Variants in SQLE observed in about 807,000 individuals in gnomAD.
SQLE encodes squalene monooxygenase.
A neutral mutation model predicts 60.7 loss-of-function variants in SQLE; 29 were observed. The ratio of observed to expected loss-of-function variants is 0.48; its 90% CI spans 0.36 to 0.65. SQLE has a LOEUF of 0.65. Ranked by LOEUF, SQLE falls within the 30% of genes least tolerant of loss-of-function variation. SQLE has a pLI of 0.00. For synonymous variants in SQLE, 237 were observed against 246.8 expected (o/e 0.96, Z 0.37); for missense variants, 605 against 684.1 (o/e 0.88, Z 1.29).
intron 1 of SQLE, among the ~76,000 whole-genome samples, chr8:125,000,614 A>ATT (rs925942692): frequency 6.9e-6 from 1 of 145,736 alleles, no homozygotes; most frequent in African/African-American, 2.5e-5. Context: ...CTCCTGGCTA[A>ATT]TTTTTTTTTT....
chr8:125,020,061 CTCT>C (rs888724700), intron 9 of SQLE, among the ~76,000 whole-genome samples: 6 of 152,146 alleles, frequency 3.9e-5, no homozygotes, highest in African/African-American at 1.2e-4. Flanking sequence ...TTTTTCTGAG[CTCT>C]TCTTTCTAAG....
intron 7 of SQLE, 128 bp downstream of exon 7, chr8:125,011,760 A>C: frequency 2.6e-6 from 2 of 755,660 alleles, no homozygotes; most frequent in Non-Finnish European, 4.3e-6. Context: ...TGCATTATTA[A>C]TACCAAAATT....
chr8:124,998,822 C>T lies in SQLE; in HGVS notation c.-582C>T. 2.0e-6 allele frequency: 1 copy of T among 492,178 alleles called. No homozygotes were observed. The highest frequency in any genetic ancestry group is 3.6e-6 in the Non-Finnish European group (1 of 276,474). 30.5% of individuals were successfully genotyped at this position (492,178 alleles called of 1,614,324 possible). On this transcript the variant is annotated 5_prime_UTR_variant, in exon 1 of 11. Transcript: ENST00000265896. Reference sequence around the variant, plus strand: ...GAAGGCGTCGGCGTTGGCGTTTTCCCGAGGTTGGGCTGTACAGTGTCTCCG... The same window carrying T: ...GAAGGCGTCGGCGTTGGCGTTTTCCTGAGGTTGGGCTGTACAGTGTCTCCG...
chr8:125,018,810 C>G, intron 9 of SQLE, 83 bp downstream of exon 9: 1 of 944,494 alleles, frequency 1.1e-6, no homozygotes, highest in Non-Finnish European at 1.6e-6. Context: ...AGTGATTTGT[C>G]CAGAAATAAA....
At chr8:125,002,803 G>A (rs1214879225) in intron 1 of SQLE, among the ~76,000 whole-genome samples, 1 of 152,182 alleles carries the variant, frequency 6.6e-6, no homozygotes, top group Admixed American at 6.5e-5. Context: ...GGATATATTT[G>A]AAGAATTTAG....
chr8:125,008,916 T>C, intron 4 of SQLE, 55 bp from the exon 5 acceptor site: 1 of 1,299,832 alleles, frequency 7.7e-7, no homozygotes, highest in South Asian at 1.7e-5. Flanking sequence ...AAGAATGGCT[T>C]TTTTTACTGT....
Position 125,009,336 on chromosome 8 carries a change from A to G in SQLE, c.1101A>G (p.Gln367=), listed in dbSNP as rs747786953. ...ACATGGTTGAAAAAATTTACCCACA[A>G]ATACCTGGTAAGAAATAGCATCTTC... ...REYMVEKIYP[Q]IPDHLKEPFL... Residue 367 remains glutamine (Q), a synonymous_variant, in exon 6 of 11, where the codon CAA becomes CAG. Transcript: ENST00000265896. 4.8e-5 allele frequency: 78 copies of G among 1,610,698 alleles called. No homozygotes were observed. The highest frequency in any genetic ancestry group is 6.4e-5 in the Non-Finnish European group (76 of 1,178,682).
At chr8:125,010,222 G>A (rs1039290348) in intron 6 of SQLE, among the ~76,000 whole-genome samples, 1 of 152,214 alleles carries the variant, frequency 6.6e-6, no homozygotes, top group East Asian at 1.9e-4. Context: ...TGTGAGAATT[G>A]TAAGGGATCT....
intron 3 of SQLE, among the ~76,000 whole-genome samples, chr8:125,006,994 T>C (rs7838748): frequency 0.097 from 14,809 of 152,220 alleles, 852 homozygotes; most frequent in Middle Eastern, 0.28. Context: ...TGAGCCACCG[T>C]GCCCTGCCAG....
rs748344693 is a variant in SQLE, at chr8:124,999,415, T to C, written c.12T>C (p.Phe4=). 1.1e-5 allele frequency: 16 copies of C among 1,517,874 alleles called. No homozygotes were observed. Among genetic ancestry groups the C allele is most frequent in the Admixed American group, 2.2e-5 (1 of 45,952 alleles). The allele number at this position is 1,517,874 out of a possible 1,614,324, so 94.0% of individuals were successfully genotyped here. A position where few individuals can be genotyped will look rare whatever the true frequency, so the allele number is the denominator to read the frequency against. Residue 4 remains phenylalanine, a synonymous_variant, in exon 1 of 11, where the codon TTT becomes TTC. Transcript: ENST00000265896. The part of the protein sequence containing the change: MWT[F]LGIATFTYFY... Reference sequence around the variant, plus strand: ...GAAGCCTTGGAACCATGTGGACTTTTCTGGGCATTGCCACTTTCACCTATT... The same window carrying C: ...GAAGCCTTGGAACCATGTGGACTTTCCTGGGCATTGCCACTTTCACCTATT...
At chr8:125,017,040 C>T (rs1400681258) in intron 7 of SQLE, among the ~76,000 whole-genome samples, 1 of 152,064 alleles carries the variant, frequency 6.6e-6, no homozygotes, top group African/African-American at 2.4e-5. Flanking sequence ...CCTGTGGCCA[C>T]CATGACTGGC....
chr8:125,015,334 T>C (rs1368372633), intron 7 of SQLE, among the ~76,000 whole-genome samples: 5 of 152,220 alleles, frequency 3.3e-5, no homozygotes, highest in Admixed American at 3.3e-4. Flanking sequence ...TGGTTCTTTT[T>C]TTAAATCCAT....
intron 4 of SQLE, 81 bp downstream of exon 4, chr8:125,007,568 T>G: frequency 1.2e-6 from 1 of 857,456 alleles, no homozygotes; most frequent in South Asian, 1.9e-5. Context: ...AAAAGTAGGC[T>G]TACCGGTTTA....
At chr8:125,003,486 AGACCATCCTAT>A in intron 2 of SQLE, 58 bp downstream of exon 2, 1 of 1,569,328 alleles carries the variant, frequency 6.4e-7, no homozygotes, top group Non-Finnish European at 8.7e-7. Context: ...CTCTTCACTT[AGACCATCCTAT>A]GACCAGTAAG....
In SQLE at chr8:124,999,167, G is replaced by A. The variant is rs1272420714; in HGVS notation, c.-237G>A. 5.1e-6 allele frequency: 2 copies of A among 393,574 alleles called. No homozygotes were observed. Among genetic ancestry groups the A allele is most frequent in the Non-Finnish European group, 8.9e-6 (2 of 225,008 alleles). The allele number at this position is 393,574 out of a possible 1,614,324, so 24.4% of individuals were successfully genotyped here. On this transcript the variant is annotated 5_prime_UTR_variant, in exon 1 of 11. Transcript: ENST00000265896. ...GTCTGCTCGGGAGCTGTTCCAGCAG[G>A]CGATTTTTAAATACTGCTTTCTACG...
rs781777582 is a variant in SQLE at position 125,022,002 on chromosome 8, CTT to C, written c.*60_*61del. On this transcript the variant is annotated 3_prime_UTR_variant, in exon 11 of 11. Transcript: ENST00000265896. Reference sequence around the variant, plus strand: ...TTGGAACTTACCAAGTCCTAAGAGACTTTTGGAAGAGGATATATATAGCATAG... The same window carrying C: ...TTGGAACTTACCAAGTCCTAAGAGACTTGGAAGAGGATATATATAGCATAG... 7.3e-7 allele frequency: 1 copy of C among 1,377,070 alleles called. No homozygotes were observed. Among genetic ancestry groups the C allele is most frequent in the Non-Finnish European group, 9.9e-7 (1 of 1,012,022 alleles). The allele number at this position is 1,377,070 out of a possible 1,614,324, so 85.3% of individuals were successfully genotyped here. A position where few individuals can be genotyped will look rare whatever the true frequency, so the allele number is the denominator to read the frequency against.
At chr8:125,005,018 T>C (rs746584191) in intron 2 of SQLE, among the ~76,000 whole-genome samples, 2 of 152,186 alleles carry the variant, frequency 1.3e-5, no homozygotes, top group Non-Finnish European at 2.9e-5. Context: ...CATCAACAGT[T>C]GGGGGATAAC....
chr8:124,998,781 G>A lies in SQLE; in HGVS notation c.-623G>A, dbSNP rs931607779. ...CTGGAGCCGCACTCTTGAGTCCGAG[G>A]CCATCTTTTGTTGGAGAAGGCGTCG... On this transcript the variant is annotated 5_prime_UTR_variant, in exon 1 of 11. Coordinates refer to ENST00000265896, the MANE Select transcript of SQLE (RefSeq NM_003129.4). The A allele has an allele frequency of 4.0e-6, 2 of 494,588 alleles. No individual in the cohort carries two copies. The highest frequency in any genetic ancestry group is 3.6e-6 in the Non-Finnish European group (1 of 277,254). The allele number at this position is 494,588 out of a possible 1,614,324, so 30.6% of individuals were successfully genotyped here.
rs1311938411 is a variant in SQLE, at chr8:125,005,527, A to G, written c.547A>G (p.Thr183Ala). 3.2e-6 allele frequency: 5 copies of G among 1,586,082 alleles called. No individual in the cohort carries two copies. Among genetic ancestry groups the G allele is most frequent in the South Asian group, 1.1e-5 (1 of 87,652 alleles). Reference sequence around the variant, plus strand: ...TTTTGAACTCGATTGCTTTGCAGATACAGTGGAAGGTCTTGATGCCCAGGT... The same window carrying G: ...TTTTGAACTCGATTGCTTTGCAGATGCAGTGGAAGGTCTTGATGCCCAGGT... ...HVLKDLGLGD[T>A]VEGLDAQVVN... The change falls in exon 3 of 11, where the codon ACA (threonine) becomes GCA (alanine). Residue 183 changes from threonine (T) to alanine (A), a missense_variant and splice_region_variant. Transcript: ENST00000265896.
Sources: allele counts gnomAD v4.1 joint callset (sites outside exome capture counted in the v4.1 genomes callset), GRCh38; gene constraint gnomAD v4.1.1; transcripts MANE v1.5; gene names NCBI Gene and HGNC (gene_info 2026-07-23, HGNC 2026-07-21).